Variants in SLC17A8 observed in about 807,000 individuals in gnomAD.
SLC17A8 encodes the protein solute carrier family 17 member 8.
A neutral mutation model predicts 58.0 loss-of-function variants in SLC17A8; 31 were observed. That is an observed-to-expected ratio of 0.53 (90% CI 0.40 to 0.72). The LOEUF is 0.72. SLC17A8 is among the 30% of genes least tolerant of loss of function. The pLI is 0.00. For missense variants in SLC17A8, 655 were observed against 727.8 expected, an observed-to-expected ratio of 0.90 and a Z score of 1.15; for synonymous variants, 228 against 249.0, an observed-to-expected ratio of 0.92 and a Z score of 0.79.
At chr12:100,378,466 C>A (rs566489183) in intron 1 of SLC17A8, among the ~76,000 whole-genome samples, 1 of 152,002 alleles carries the variant, frequency 6.6e-6, no homozygotes, top group East Asian at 1.9e-4. Context: ...TGAAGACAGT[C>A]ATTTCTTTCT....
At chr12:100,391,285 A>T in intron 3 of SLC17A8, among the ~76,000 whole-genome samples, 166 bp downstream of exon 3, 2 of 151,936 alleles carry the variant, frequency 1.3e-5, no homozygotes, top group South Asian at 4.2e-4. Flanking sequence ...ATCTTAATTT[A>T]TTTTTATTTT....
chr12:100,371,431 C>A (rs367870536), intron 1 of SLC17A8, among the ~76,000 whole-genome samples: 1 of 152,322 alleles, frequency 6.6e-6, no homozygotes, highest in Admixed American at 6.5e-5. Context: ...ATTCGTCAGG[C>A]GCTTTCTGAT....
At chr12:100,360,604 T>C (rs76324966) in intron 1 of SLC17A8, among the ~76,000 whole-genome samples, 5,518 of 152,244 alleles carry the variant, frequency 0.036, 300 homozygotes, top group African/African-American at 0.12. Flanking sequence ...CTAGCAATAA[T>C]TTTACAGATG....
chr12:100,359,340 A>G (rs1380029612), intron 1 of SLC17A8, among the ~76,000 whole-genome samples: 2 of 152,106 alleles, frequency 1.3e-5, no homozygotes, highest in East Asian at 3.9e-4. Flanking sequence ...CGGTTTTGCT[A>G]TGTTTGATTG....
intron 1 of SLC17A8, among the ~76,000 whole-genome samples, chr12:100,378,677 C>G (rs1465042278): frequency 1.3e-5 from 2 of 152,012 alleles, no homozygotes; most frequent in Non-Finnish European, 2.9e-5. Context: ...GGGACAAGAT[C>G]TAGTGTCCAG....
chr12:100,419,758 A>G (rs1377103632), intron 11 of SLC17A8, 57 bp from the exon 12 acceptor site: 2 of 1,554,050 alleles, frequency 1.3e-6, no homozygotes, highest in East Asian at 2.2e-5. Flanking sequence ...TCCAGGACAT[A>G]CTGGTAATCT....
chr12:100,398,955 T>C (rs2136001988), intron 5 of SLC17A8, among the ~76,000 whole-genome samples: 1 of 152,242 alleles, frequency 6.6e-6, no homozygotes, highest in South Asian at 2.1e-4. Context: ...CCTTCTGCCA[T>C]GATTGTGAGG....
At position 100,379,761 on chromosome 12, in the gene SLC17A8, A is replaced by G. The variant is rs1257301845; in HGVS notation, c.102-940A>G. On this transcript the variant is annotated intron_variant, in intron 1 of 11. Coordinates refer to ENST00000323346, the MANE Select transcript of SLC17A8 (RefSeq NM_139319.3). ...AATGAATGTGCCATAATTGGAATCT[A>G]TAGAGGTCTACCATTTGAATAAAAG... 8.5e-5 allele frequency among the ~76,000 whole-genome samples: 5 copies of G among 58,864 alleles called. No homozygotes were observed. In the East Asian group the frequency reaches 0.048, roughly 566 times the overall value. The allele number at this position is 58,864 out of a possible 152,430, so 38.6% of individuals were successfully genotyped here.
chr12:100,393,397 T>A lies in SLC17A8; in HGVS notation c.502T>A (p.Ser168Thr), dbSNP rs1205767783. Residue 168 changes from serine to threonine, a missense_variant, in exon 4 of 12, where the codon TCG becomes ACG. Ser to Thr is a moderately conservative substitution (Grantham distance 58). Transcript: ENST00000323346. ...RVFGAAIFLT[S>T]TLNMFIPSAA... The stretch of plus-strand genomic sequence containing the variant: ...CTTTGGAGCTGCCATCTTCTTAACA[T>A]CGACTCTGAACATGTTTATTCCCTC... 2 of 1,613,714 alleles carry A rather than the reference T, an allele frequency of 1.2e-6. No homozygotes were observed. Among genetic ancestry groups the A allele is most frequent in the African/African-American group, 2.7e-5 (2 of 74,928 alleles).
intron 1 of SLC17A8, among the ~76,000 whole-genome samples, chr12:100,378,974 A>G (rs540716682): frequency 2.1e-4 from 32 of 152,322 alleles, no homozygotes; most frequent in African/African-American, 7.5e-4. Flanking sequence ...CATCAGCCTA[A>G]GAGCTGGAAG....
chr12:100,374,312 T>C (rs1183522308), intron 1 of SLC17A8, among the ~76,000 whole-genome samples: 3 of 152,134 alleles, frequency 2.0e-5, no homozygotes, highest in Non-Finnish European at 4.4e-5. Flanking sequence ...TTGAATGCTT[T>C]TAAAACAAAT....
chr12:100,412,745 T>C (rs1226648034), intron 9 of SLC17A8, 25 bp from the exon 10 acceptor site: 1 of 1,513,428 alleles, frequency 6.6e-7, no homozygotes, highest in East Asian at 2.3e-5. Flanking sequence ...ATGACATTTT[T>C]TTCCCTTGCT....
In SLC17A8 at chr12:100,419,967, C is replaced by A. The variant is rs141294063; in HGVS notation, c.1578C>A (p.Asp526Glu). 2.5e-6 allele frequency: 4 copies of A among 1,613,878 alleles called. No homozygotes were observed. Among genetic ancestry groups the A allele is most frequent in the Non-Finnish European group, 3.4e-6 (4 of 1,180,020 alleles). Residue 526 changes from aspartate to glutamate, a missense_variant, in exon 12 of 12, where the codon GAC becomes GAA. Physicochemically the swap from Asp to Glu is conservative, Grantham distance 45. Transcript: ENST00000323346. ...AGAAATGTGGAATCATTGACCAGGA[C>A]GAATTAGCTGAGGAGATAGAACTCA... Reference protein sequence around the residue: ...SEEKCGIIDQDELAEEIELNH... With the variant: ...SEEKCGIIDQEELAEEIELNH...
At chr12:100,364,147 G>A (rs749719072) in intron 1 of SLC17A8, among the ~76,000 whole-genome samples, 1 of 151,232 alleles carries the variant, frequency 6.6e-6, no homozygotes, top group Non-Finnish European at 1.5e-5. Flanking sequence ...ATTGTCATGT[G>A]CCCACTGCTA....
chr12:100,390,643 C>T (rs569086342), intron 2 of SLC17A8, among the ~76,000 whole-genome samples: 171 of 152,002 alleles, frequency 1.1e-3, no homozygotes, highest in African/African-American at 3.8e-3. Flanking sequence ...CCACCGCACC[C>T]GGCCGGTTTT....
At chr12:100,373,655 G>A (rs765425272) in intron 1 of SLC17A8, among the ~76,000 whole-genome samples, 31 of 146,444 alleles carry the variant, frequency 2.1e-4, no homozygotes, top group Non-Finnish European at 4.3e-4. Context: ...CACCATCTCG[G>A]CTCACTGCAA....
chr12:100,379,434 C>CAAAAAA (rs142965532), intron 1 of SLC17A8, among the ~76,000 whole-genome samples: 1 of 137,384 alleles, frequency 7.3e-6, no homozygotes, highest in South Asian at 2.3e-4. Context: ...GATTCCGTCC[C>CAAAAAA]CAAAAAAAAA....
intron 2 of SLC17A8, among the ~76,000 whole-genome samples, chr12:100,382,261 G>A (rs1011117928): frequency 6.6e-6 from 1 of 152,194 alleles, no homozygotes; most frequent in Non-Finnish European, 1.5e-5. Context: ...CCATTGCAGG[G>A]GGCCAGATTG....
intron 1 of SLC17A8, among the ~76,000 whole-genome samples, chr12:100,366,050 C>CTTTTTTTTTTTTTTTTTTT (rs67071341): frequency 1.1e-5 from 1 of 90,860 alleles, no homozygotes; most frequent in Non-Finnish European, 2.0e-5. Flanking sequence ...GTGATCCCTT[C>CTTTTTTTTTTTTTTTTTTT]TTTTTTTTTT....
Sources: allele counts gnomAD v4.1 joint callset (sites outside exome capture counted in the v4.1 genomes callset), GRCh38; gene constraint gnomAD v4.1.1; transcripts MANE v1.5; gene names NCBI Gene and HGNC (gene_info 2026-07-23, HGNC 2026-07-21).